LDHC: variants seen among roughly 807,000 people sequenced by gnomAD.
The protein encoded by LDHC is lactate dehydrogenase C.
In LDHC, 20 loss-of-function variants were observed where a neutral mutation model predicts 30.2. The observed-to-expected ratio is 0.66, with a 90% CI of 0.47 to 0.96. The LOEUF (loss-of-function observed/expected upper bound fraction) is 0.96. Among genes scored for constraint, LDHC ranks in the 40% least tolerant of loss-of-function variants. The probability of loss-of-function intolerance (pLI) is 0.00; values close to 1 mark genes in which losing one functional copy is unlikely to be tolerated. For missense variants in LDHC, 362 were observed against 394.9 expected, an observed-to-expected ratio of 0.92 and a Z score of 0.71; for synonymous variants, 139 against 132.7, an observed-to-expected ratio of 1.05 and a Z score of -0.32.
intron 2 of LDHC, among the ~76,000 whole-genome samples, chr11:18,413,164 C>G (rs1364179050): frequency 1.3e-5 from 2 of 151,854 alleles, no homozygotes; most frequent in Non-Finnish European, 1.5e-5. Context: ...CCACTGCAAC[C>G]TCCACCTCCC....
At chr11:18,424,795 G>A (rs1268914369) in intron 3 of LDHC, among the ~76,000 whole-genome samples, 2 of 152,294 alleles carry the variant, frequency 1.3e-5, no homozygotes, top group East Asian at 3.9e-4. Flanking sequence ...ATCACTTGAG[G>A]TCAGGAGTTC....
At chr11:18,444,604 G>GTATATATATGTA (rs1848519410) in intron 6 of LDHC, among the ~76,000 whole-genome samples, 1 of 89,308 alleles carries the variant, frequency 1.1e-5, no homozygotes, top group Non-Finnish European at 2.5e-5. Flanking sequence ...TGTTCAGGTG[G>GTATATATATGTA]TATATATATA....
chr11:18,413,167 C>T (rs1399654068), intron 2 of LDHC, among the ~76,000 whole-genome samples: 2 of 151,450 alleles, frequency 1.3e-5, no homozygotes, highest in African/African-American at 4.8e-5. Context: ...CTGCAACCTC[C>T]ACCTCCCGGG....
At position 18,412,800 on chromosome 11, in the gene LDHC, C is replaced by A. The variant is rs769632709; in HGVS notation, c.83C>A (p.Thr28Asn). Residue 28 changes from threonine (T) to asparagine (N), a missense_variant, in exon 2 of 8, where the codon ACT becomes AAT. Physicochemically the swap from Thr to Asn is moderately conservative, Grantham distance 65. Transcript: ENST00000541669. Reference protein sequence around the residue: ...NSQCKITIVGTGAVGMACAIS... With the variant: ...NSQCKITIVGNGAVGMACAIS... ...CAGTGTAAAATTACTATTGTTGGAACTGGTGCCGTAGGCATGGCTTGTGCT... is the reference window on the plus strand; with the variant it reads ...CAGTGTAAAATTACTATTGTTGGAAATGGTGCCGTAGGCATGGCTTGTGCT... 1 of 1,613,926 alleles carries A rather than the reference C, an allele frequency of 6.2e-7. No homozygotes were observed. Among genetic ancestry groups the A allele is most frequent in the Non-Finnish European group, 8.5e-7 (1 of 1,179,826 alleles).
At chr11:18,444,024 C>CT (rs1454904394) in intron 6 of LDHC, among the ~76,000 whole-genome samples, 1 of 152,134 alleles carries the variant, frequency 6.6e-6, no homozygotes, top group Non-Finnish European at 1.5e-5. Flanking sequence ...TACACAACAG[C>CT]TTCTGATTTG....
At chr11:18,443,410 T>C (rs1848499021) in intron 6 of LDHC, among the ~76,000 whole-genome samples, 1 of 152,010 alleles carries the variant, frequency 6.6e-6, no homozygotes, top group African/African-American at 2.4e-5. Flanking sequence ...ATCTACCCAG[T>C]CACTAATAAT....
At chr11:18,420,633 T>C (rs1590224455) in intron 3 of LDHC, among the ~76,000 whole-genome samples, 1 of 124,026 alleles carries the variant, frequency 8.1e-6, no homozygotes, top group Non-Finnish European at 1.6e-5. Flanking sequence ...TAGTGAAATC[T>C]TGTCTCTTAA....
Position 18,412,861 on chromosome 11 carries a change from C to T in LDHC, c.126+18C>T, listed in dbSNP as rs757589621. The T allele has an allele frequency of 1.2e-6, 2 of 1,608,114 alleles. No individual in the cohort carries two copies. Among genetic ancestry groups the T allele is most frequent in the Non-Finnish European group, 1.7e-6 (2 of 1,177,212 alleles). Reference sequence around the variant, plus strand: ...TACTGAAGGTGAGTGAGAAGCCCATCCTGTGGCTGAAAATCAAGTGAGCAC... The same window carrying T: ...TACTGAAGGTGAGTGAGAAGCCCATTCTGTGGCTGAAAATCAAGTGAGCAC... On this transcript the variant is annotated intron_variant, in intron 2 of 7. Coordinates refer to ENST00000541669, the MANE Select transcript of LDHC (RefSeq NM_017448.5).
chr11:18,450,706 G>T (rs191762973), intron 7 of LDHC: 82 of 307,510 alleles, frequency 2.7e-4, no homozygotes, highest in Middle Eastern at 1.8e-3. Context: ...AGATGACCTG[G>T]TAAGGGATAA....
chr11:18,414,622 G>A (rs1233805127), intron 2 of LDHC, among the ~76,000 whole-genome samples: 2 of 152,146 alleles, frequency 1.3e-5, no homozygotes, highest in Non-Finnish European at 2.9e-5. Flanking sequence ...GAGGTTAGGA[G>A]TTTGAGACCA....
At chr11:18,419,462 A>G (rs530239914) in intron 3 of LDHC, among the ~76,000 whole-genome samples, 102 of 152,234 alleles carry the variant, frequency 6.7e-4, no homozygotes, top group Middle Eastern at 3.2e-3. Context: ...TGGAACCACA[A>G]GCTGGCTCTT....
chr11:18,417,625 C>T lies in LDHC; in HGVS notation c.244+2324C>T, dbSNP rs569162071. On this transcript the variant is annotated intron_variant, in intron 3 of 7. Transcript: ENST00000541669. ...CTGTTGCTCAGGCTGGTCTCAAACT[C>T]CTAGGCTCAAGCAGTTGCAGGTGTG... Among the ~76,000 whole-genome samples, 17 of 152,262 alleles carry T rather than the reference C, an allele frequency of 1.1e-4. No individual in the cohort carries two copies. The South Asian group carries it at 3.5e-3, about 32-fold the overall frequency.
At chr11:18,444,950 A>T (rs1402650735) in intron 6 of LDHC, among the ~76,000 whole-genome samples, 9 of 152,060 alleles carry the variant, frequency 5.9e-5, no homozygotes, top group Admixed American at 5.9e-4. Context: ...CTGTCTTGTA[A>T]AAATAATCAC....
At chr11:18,423,144 G>A (rs1477912531) in intron 3 of LDHC, among the ~76,000 whole-genome samples, 1 of 151,978 alleles carries the variant, frequency 6.6e-6, no homozygotes, top group Admixed American at 6.6e-5. Context: ...GGCCAACATG[G>A]TGAAACCCTG....
At chr11:18,422,996 A>AAACAACAAC (rs113194438) in intron 3 of LDHC, among the ~76,000 whole-genome samples, 22,601 of 118,112 alleles carry the variant, frequency 0.19, 1,935 homozygotes, top group Middle Eastern at 0.27. Context: ...AAAAAAAAGA[A>AAACAACAAC]AACAACAAAA....
chr11:18,443,576 C>T (rs1306876642), intron 6 of LDHC, among the ~76,000 whole-genome samples: 1 of 151,772 alleles, frequency 6.6e-6, no homozygotes, highest in Non-Finnish European at 1.5e-5. Flanking sequence ...CCTCACACCT[C>T]AGCCTCCTGA....
intron 6 of LDHC, among the ~76,000 whole-genome samples, chr11:18,441,222 G>C (rs1848459292): frequency 6.6e-6 from 1 of 152,022 alleles, no homozygotes; most frequent in East Asian, 1.9e-4. Flanking sequence ...GGACATAATA[G>C]GTTTTCACCT....
At chr11:18,426,895 T>C (rs769464745) in intron 3 of LDHC, among the ~76,000 whole-genome samples, 6 of 152,196 alleles carry the variant, frequency 3.9e-5, no homozygotes, top group African/African-American at 1.4e-4. Context: ...ATGAATGATA[T>C]GATAAATACT....
At chr11:18,435,417 C>T (rs1039063293) in intron 5 of LDHC, among the ~76,000 whole-genome samples, 7 of 151,796 alleles carry the variant, frequency 4.6e-5, no homozygotes, top group Non-Finnish European at 2.9e-5. Flanking sequence ...CCCCCCTCCC[C>T]GACCCCCGCT....
Sources: gnomAD v4.1 joint callset for allele counts (sites outside exome capture counted in the v4.1 genomes callset) on GRCh38, gnomAD v4.1.1 for gene constraint, MANE v1.5 for transcripts, NCBI Gene and HGNC (gene_info 2026-07-23, HGNC 2026-07-21) for gene names.